Variants in SOX6 observed in about 807,000 individuals in gnomAD.
The protein encoded by SOX6 is SRY-box transcription factor 6.
Under a neutral mutation model 97.8 loss-of-function variants are expected in SOX6, and 11 were observed. That is an observed-to-expected ratio of 0.11 (90% confidence interval 0.07 to 0.19). The LOEUF (loss-of-function observed/expected upper bound fraction) is 0.19. Ranked by LOEUF, SOX6 falls within the 10% of genes least tolerant of loss-of-function variation. SOX6 has a pLI of 1.00. For missense variants in SOX6, 810 were observed against 1,039.5 expected (o/e 0.78, Z 3.04); for synonymous variants, 360 against 371.4 (o/e 0.97, Z 0.35).
At chr11:15,979,066 A>ATATATATATATATAT (rs1564890454) in intron 15 of SOX6, among the ~76,000 whole-genome samples, 26 of 59,870 alleles carry the variant, frequency 4.3e-4, no homozygotes, top group African/African-American at 1.6e-3. Flanking sequence ...TATATATATA[A>ATATATATATATATAT]AACTGCTTAT....
intron 4 of SOX6, among the ~76,000 whole-genome samples, chr11:16,506,515 T>A (rs1399868217): frequency 6.6e-6 from 1 of 152,200 alleles, no homozygotes; most frequent in Admixed American, 6.5e-5. Context: ...TTTGAGTTAA[T>A]GCTGAAATGA....
At chr11:16,515,722 G>A (rs1306188162) in intron 4 of SOX6, among the ~76,000 whole-genome samples, 1 of 126,346 alleles carries the variant, frequency 7.9e-6, no homozygotes, top group Non-Finnish European at 1.7e-5. Flanking sequence ...ATTGATTTTT[G>A]TATAAGGTGT....
chr11:16,474,161 T>C (rs1455643474), intron 1 of SOX6, among the ~76,000 whole-genome samples: 1 of 152,228 alleles, frequency 6.6e-6, no homozygotes, highest in African/African-American at 2.4e-5. Context: ...ATTCCACTTC[T>C]CTTGCTATTT....
intron 4 of SOX6, among the ~76,000 whole-genome samples, chr11:16,591,930 A>T (rs1163668861): frequency 6.6e-6 from 1 of 152,124 alleles, no homozygotes; most frequent in Non-Finnish European, 1.5e-5. Context: ...TTAGAATCAG[A>T]TCTTTAAATT....
chr11:16,173,631 C>T (rs1488583171), intron 6 of SOX6, among the ~76,000 whole-genome samples: 4 of 143,358 alleles, frequency 2.8e-5, no homozygotes, highest in African/African-American at 7.8e-5. Flanking sequence ...AAAGAAACTA[C>T]TAGACAAGAA....
At chr11:16,115,128 A>G (rs186525769) in intron 6 of SOX6, among the ~76,000 whole-genome samples, 291 of 152,332 alleles carry the variant, frequency 1.9e-3, no homozygotes, top group African/African-American at 6.8e-3. Context: ...AACTTGAGAG[A>G]AAAAGTAAAT....
intron 1 of SOX6, among the ~76,000 whole-genome samples, chr11:16,373,752 A>G (rs1439561153): frequency 6.7e-6 from 1 of 149,944 alleles, no homozygotes; most frequent in Admixed American, 6.7e-5. Context: ...TATACATATT[A>G]TATGTTCTGA....
chr11:16,641,762 C>G (rs374844743), intron 3 of SOX6, among the ~76,000 whole-genome samples: 1 of 152,118 alleles, frequency 6.6e-6, no homozygotes, highest in Admixed American at 6.5e-5. Flanking sequence ...TTGCTTGGTA[C>G]ATCTTCCTCC....
intron 4 of SOX6, among the ~76,000 whole-genome samples, chr11:16,514,913 A>C (rs1402807538): frequency 6.6e-6 from 1 of 151,614 alleles, no homozygotes. Flanking sequence ...TCCATGGTGT[A>C]TATGCGCCAC....
At chr11:16,015,369 A>G in intron 12 of SOX6, 1 of 352,008 alleles carries the variant, frequency 2.8e-6, no homozygotes, top group Non-Finnish European at 5.3e-6. Flanking sequence ...TTGAGCCAAC[A>G]ATGCAAAAAC....
intron 4 of SOX6, among the ~76,000 whole-genome samples, chr11:16,187,522 G>A (rs1434513262): frequency 6.6e-6 from 1 of 152,076 alleles, no homozygotes; most frequent in Non-Finnish European, 1.5e-5. Context: ...ACTGCCTCAG[G>A]TGAGAAAAGA....
chr11:16,054,219 T>C (rs1180795723), intron 10 of SOX6, among the ~76,000 whole-genome samples: 1 of 152,164 alleles, frequency 6.6e-6, no homozygotes, highest in Non-Finnish European at 1.5e-5. Context: ...TAAAATGACT[T>C]ATTTATGTTA....
At chr11:16,088,128 T>TA (rs1166672205) in intron 9 of SOX6, among the ~76,000 whole-genome samples, 1 of 152,146 alleles carries the variant, frequency 6.6e-6, no homozygotes, top group African/African-American at 2.4e-5. Flanking sequence ...CAAACTTTCT[T>TA]AAATACTTTT....
At chr11:15,993,712 G>C (rs897192521) in intron 13 of SOX6, among the ~76,000 whole-genome samples, 3 of 152,198 alleles carry the variant, frequency 2.0e-5, no homozygotes, top group Non-Finnish European at 2.9e-5. Flanking sequence ...CTTTCGGTTA[G>C]ATTAAAGATA....
chr11:16,144,592 T>C (rs1352389435), intron 6 of SOX6, among the ~76,000 whole-genome samples: 2 of 151,868 alleles, frequency 1.3e-5, no homozygotes, highest in African/African-American at 4.8e-5. Flanking sequence ...ACAAAATTGA[T>C]AGAACGCTAG....
intron 6 of SOX6, among the ~76,000 whole-genome samples, chr11:16,135,504 C>T (rs1163692436): frequency 6.6e-6 from 1 of 151,992 alleles, no homozygotes; most frequent in Non-Finnish European, 1.5e-5. Flanking sequence ...TGATTCCAAC[C>T]CTCATGGGAT....
chr11:16,004,796 T>C (rs1026918501), intron 13 of SOX6, among the ~76,000 whole-genome samples: 1 of 152,092 alleles, frequency 6.6e-6, no homozygotes, highest in Non-Finnish European at 1.5e-5. Context: ...ATGGCTCAGA[T>C]GCCATATAGA....
intron 6 of SOX6, among the ~76,000 whole-genome samples, chr11:16,175,537 A>T (rs780352060): frequency 1.3e-5 from 2 of 151,928 alleles, no homozygotes; most frequent in Admixed American, 6.6e-5. Context: ...AATTACATAC[A>T]TTCCGAAATA....
At chr11:16,656,670 C>A (rs1191137649) in intron 3 of SOX6, among the ~76,000 whole-genome samples, 6 of 152,166 alleles carry the variant, frequency 3.9e-5, no homozygotes, top group South Asian at 2.1e-4. Flanking sequence ...AAGCCAATGA[C>A]CATAAATTGC....
Sources: allele counts gnomAD v4.1 joint callset (sites outside exome capture counted in the v4.1 genomes callset), GRCh38; gene constraint gnomAD v4.1.1; transcripts MANE v1.5; gene names NCBI Gene and HGNC (gene_info 2026-07-23, HGNC 2026-07-21).